DLGAP2: variants seen among roughly 807,000 people sequenced by gnomAD.
DLGAP2 encodes the protein disks large-associated protein 2.
Under a neutral mutation model 100.3 loss-of-function variants are expected in DLGAP2, and 26 were observed. The ratio of observed to expected loss-of-function variants is 0.26; its 90% CI spans 0.19 to 0.36. DLGAP2 has a LOEUF of 0.36. Ranked by LOEUF, DLGAP2 falls within the 10% of genes least tolerant of loss-of-function variation. The pLI, the probability that DLGAP2 is intolerant of heterozygous loss-of-function variation, is 1.00. For missense variants in DLGAP2, 1,858 were observed against 1,453.2 expected, an observed-to-expected ratio of 1.28 and a Z score of -4.53; for synonymous variants, 886 against 630.1, an observed-to-expected ratio of 1.41 and a Z score of -6.08.
At chr8:957,800 T>C (rs1480140751) in intron 2 of DLGAP2, among the ~76,000 whole-genome samples, 1 of 152,220 alleles carries the variant, frequency 6.6e-6, no homozygotes, top group African/African-American at 2.4e-5. Flanking sequence ...GGTAATAATA[T>C]GTGTCTAATT....
At chr8:1,169,375 G>C (rs80311339) in intron 2 of DLGAP2, among the ~76,000 whole-genome samples, 70,249 of 151,876 alleles carry the variant, frequency 0.46, 18,568 homozygotes, top group Admixed American at 0.61. Context: ...GCTCTTTCTT[G>C]GTTCCATATG....
intron 2 of DLGAP2, chr8:927,209 C>G: frequency 2.0e-6 from 2 of 985,382 alleles, no homozygotes; most frequent in Non-Finnish European, 2.4e-6. Flanking sequence ...GGTAAGAACG[C>G]TGTTTATAGA....
intron 6 of DLGAP2, among the ~76,000 whole-genome samples, chr8:1,617,569 T>G (rs973090483): frequency 6.6e-6 from 1 of 152,328 alleles, no homozygotes; most frequent in African/African-American, 2.4e-5. Flanking sequence ...CATTGTTTTT[T>G]GCTTGCAAAT....
intron 2 of DLGAP2, among the ~76,000 whole-genome samples, chr8:1,206,329 G>T (rs796251071): frequency 7.1e-6 from 1 of 140,362 alleles, no homozygotes; most frequent in African/African-American, 2.7e-5. Flanking sequence ...GACTGGGGTA[G>T]ACTGTGAATG....
Position 1,116,786 on chromosome 8 carries a change from G to A in DLGAP2, c.74-142065G>A, listed in dbSNP as rs192035775. ...ACTGCACTCCAGCCTAGGTGACAGG[G>A]CAAAACCCTGTCTCAAAAAAAAGAG... is the stretch of plus-strand genomic sequence containing the variant. On this transcript the variant is annotated intron_variant, in intron 2 of 14. Coordinates refer to ENST00000637795, the MANE Select transcript of DLGAP2 (RefSeq NM_001346810.2). 3.9e-5 allele frequency among the ~76,000 whole-genome samples: 6 copies of A among 151,984 alleles called. No individual in the cohort carries two copies. In the South Asian group the frequency reaches 1.0e-3, roughly 26 times the overall value.
chr8:1,315,110 A>G (rs1399952458), intron 3 of DLGAP2, among the ~76,000 whole-genome samples: 1 of 152,260 alleles, frequency 6.6e-6, no homozygotes, highest in Non-Finnish European at 1.5e-5. Context: ...ATAGAACCGT[A>G]TTTAGTAAGT....
chr8:1,075,365 G>A (rs748819478), intron 2 of DLGAP2, among the ~76,000 whole-genome samples: 5 of 152,154 alleles, frequency 3.3e-5, no homozygotes, highest in Admixed American at 6.5e-5. Context: ...CGCAGGAGGA[G>A]AACCGCGGCT....
chr8:1,155,513 A>C (rs1414939384), intron 2 of DLGAP2, among the ~76,000 whole-genome samples: 1 of 152,044 alleles, frequency 6.6e-6, no homozygotes, highest in Non-Finnish European at 1.5e-5. Context: ...AAGAGTTTCC[A>C]TGGCAGGAGG....
chr8:1,210,246 G>A (rs1585155224), intron 2 of DLGAP2, among the ~76,000 whole-genome samples: 1 of 152,158 alleles, frequency 6.6e-6, no homozygotes, highest in African/African-American at 2.4e-5. Context: ...TCCTGGAGAG[G>A]CTGGCTTAGG....
At chr8:1,277,367 GACTAAGC>G (rs2116941912) in intron 3 of DLGAP2, among the ~76,000 whole-genome samples, 1 of 152,222 alleles carries the variant, frequency 6.6e-6, no homozygotes, top group South Asian at 2.1e-4. Flanking sequence ...GTAGGCTCTA[GACTAAGC>G]ACTAAGGATG....
rs527303644 is a variant in DLGAP2, at chr8:1,624,651, C to T, written c.1443-2089C>T. Among the ~76,000 whole-genome samples, 107 of 152,054 alleles carry T rather than the reference C, an allele frequency of 7.0e-4. 1 individual carries two copies. Among genetic ancestry groups the T allele is most frequent in the African/African-American group, 2.5e-3 (102 of 41,476 alleles). ...AGCTCGCCTTCTGTTCACTGGCAGT[C>T]GACCTGGGGGATCCACAGAGGAGGG... On this transcript the variant is annotated intron_variant, in intron 6 of 14. Transcript: ENST00000637795.
At chr8:1,488,585 G>A (rs1431459075) in intron 3 of DLGAP2, among the ~76,000 whole-genome samples, 1 of 152,168 alleles carries the variant, frequency 6.6e-6, no homozygotes, top group South Asian at 2.1e-4. Flanking sequence ...AGGCCAAGAG[G>A]TGAGCAGTAA....
intron 2 of DLGAP2, among the ~76,000 whole-genome samples, chr8:932,873 A>T (rs1054575224): frequency 2.0e-5 from 3 of 152,216 alleles, no homozygotes; most frequent in African/African-American, 7.2e-5. Context: ...TTTGAAAAAG[A>T]TCAGTCAGCA....
chr8:1,555,004 C>G (rs1013548811), intron 5 of DLGAP2, among the ~76,000 whole-genome samples: 141 of 152,314 alleles, frequency 9.3e-4, no homozygotes, highest in African/African-American at 3.2e-3. Flanking sequence ...ACTGGCCAGC[C>G]TGGCTGTGCT....
chr8:743,081 C>T (rs1267468351), intron 1 of DLGAP2, among the ~76,000 whole-genome samples: 4 of 152,134 alleles, frequency 2.6e-5, no homozygotes, highest in Non-Finnish European at 5.9e-5. Context: ...TATTTCTGGT[C>T]TTGTTTTACT....
At chr8:1,507,344 G>A (rs960067522) in intron 4 of DLGAP2, among the ~76,000 whole-genome samples, 5 of 152,210 alleles carry the variant, frequency 3.3e-5, no homozygotes, top group African/African-American at 4.8e-5. Context: ...GTGCAGCGCC[G>A]GTGGGCCAGC....
intron 8 of DLGAP2, among the ~76,000 whole-genome samples, chr8:1,657,047 A>T (rs1185828152): frequency 1.3e-5 from 2 of 152,238 alleles, no homozygotes; most frequent in African/African-American, 4.8e-5. Flanking sequence ...AAAGAAACCA[A>T]TGCTAGGCTT....
chr8:1,554,062 T>G (rs1264005960), intron 5 of DLGAP2, among the ~76,000 whole-genome samples: 1 of 152,126 alleles, frequency 6.6e-6, no homozygotes, highest in Non-Finnish European at 1.5e-5. Flanking sequence ...CCAACGCAGG[T>G]GGATCACCTG....
At chr8:1,154,077 A>G (rs1796739531) in intron 2 of DLGAP2, among the ~76,000 whole-genome samples, 1 of 152,338 alleles carries the variant, frequency 6.6e-6, no homozygotes, top group East Asian at 1.9e-4. Context: ...AGCAAGCAGG[A>G]AAAAGAAATA....
Sources: allele counts gnomAD v4.1 joint callset (sites outside exome capture counted in the v4.1 genomes callset), GRCh38; gene constraint gnomAD v4.1.1; transcripts MANE v1.5; gene names NCBI Gene and HGNC (gene_info 2026-07-23, HGNC 2026-07-21).